Variants in TMEM40 observed in about 807,000 individuals in gnomAD.
The protein encoded by TMEM40 is transmembrane protein 40.
A neutral mutation model predicts 40.8 loss-of-function variants in TMEM40; 34 were observed. That is an observed-to-expected ratio of 0.83 (90% CI 0.63 to 1.11). TMEM40 has a LOEUF of 1.11. Among genes scored for constraint, TMEM40 ranks in the 50% least tolerant of loss-of-function variants. The pLI is 0.00. For synonymous variants in TMEM40, 106 were observed against 107.0 expected, an observed-to-expected ratio of 0.99 and a Z score of 0.06; for missense variants, 296 against 280.2, an observed-to-expected ratio of 1.06 and a Z score of -0.40.
intron 8 of TMEM40, chr3:12,737,465 A>G (rs1223208541): frequency 1.7e-6 from 1 of 583,618 alleles, no homozygotes; most frequent in Admixed American, 3.1e-5. Context: ...GCTCAAGCTC[A>G]GGCCACTCCA....
intron 1 of TMEM40, among the ~76,000 whole-genome samples, chr3:12,768,925 G>GGGGCGGGGC: frequency 9.8e-6 from 1 of 101,788 alleles, no homozygotes; most frequent in East Asian, 2.6e-4. Context: ...GGCCGGGGCC[G>GGGGCGGGGC]GGGCGGGGCG....
chr3:12,747,251 C>T (rs1447105110), intron 3 of TMEM40, among the ~76,000 whole-genome samples: 1 of 151,686 alleles, frequency 6.6e-6, no homozygotes, highest in Admixed American at 6.6e-5. Flanking sequence ...CTCAAGCCCA[C>T]CATAAAAGAG....
chr3:12,754,199 C>T (rs1311959949), intron 1 of TMEM40, among the ~76,000 whole-genome samples: 1 of 152,136 alleles, frequency 6.6e-6, no homozygotes, highest in Non-Finnish European at 1.5e-5. Flanking sequence ...GTAGTCCCAG[C>T]TACTCGGGAG....
rs76805747 is a variant in TMEM40 at position 12,756,990 on chromosome 3, C to A, written c.-9+2201G>T. Among the ~76,000 whole-genome samples the A allele has an allele frequency of 4.5e-4, 68 of 152,248 alleles. No homozygotes were observed. In the East Asian group the frequency reaches 0.012, roughly 27 times the overall value. On this transcript the variant is annotated intron_variant, in intron 1 of 11. Coordinates refer to ENST00000314124, the MANE Select transcript of TMEM40 (RefSeq NM_018306.4). The stretch of plus-strand genomic sequence containing the variant: ...TAGATCTTCAGTTCCCGCCTCTACC[C>A]CTCACTGACTCTGAGACCTGGAGCG...
Position 12,749,032 on chromosome 3 carries a change from C to CT in TMEM40, c.74-241dup, listed in dbSNP as rs55763700. Among the ~76,000 whole-genome samples, 1,399 of 149,472 alleles carry CT rather than the reference C, an allele frequency of 9.4e-3. 23 individuals carry two copies. Among genetic ancestry groups the CT allele is most frequent in the Admixed American group, 0.032 (474 of 14,996 alleles). Reference sequence around the variant, plus strand: ...ATGGACTCAGAAAAGGGGTTTCTTTCTTTTTTTTTTGAGACGGAGTCTTGC... The same window carrying CT: ...ATGGACTCAGAAAAGGGGTTTCTTTCTTTTTTTTTTTGAGACGGAGTCTTGC... On this transcript the variant is annotated intron_variant, in intron 2 of 11. Coordinates refer to ENST00000314124, the MANE Select transcript of TMEM40 (RefSeq NM_018306.4).
intron 3 of TMEM40, among the ~76,000 whole-genome samples, chr3:12,744,666 G>A (rs6799821): frequency 1.1e-4 from 17 of 152,184 alleles, no homozygotes; most frequent in African/African-American, 3.9e-4. Context: ...ACTTGAAAAT[G>A]GTTGTCATTT....
chr3:12,738,198 C>G (rs746187835), intron 6 of TMEM40, 30 bp from the exon 7 acceptor site: 1 of 1,613,134 alleles, frequency 6.2e-7, no homozygotes, highest in African/African-American at 1.3e-5. Flanking sequence ...CATTAGTGCC[C>G]AACCCCGCTT....
At chr3:12,734,877 C>A in intron 11 of TMEM40, 84 bp from the exon 12 acceptor site, 1 of 1,490,462 alleles carries the variant, frequency 6.7e-7, no homozygotes, top group Non-Finnish European at 9.1e-7. Context: ...TGCCCAAGTA[C>A]CCCTCACAGC....
At chr3:12,753,115 A>G (rs925054249) in intron 1 of TMEM40, among the ~76,000 whole-genome samples, 6 of 151,872 alleles carry the variant, frequency 4.0e-5, no homozygotes, top group Non-Finnish European at 8.8e-5. Flanking sequence ...TCACCGGGGG[A>G]AGACCCGATG....
chr3:12,739,524 T>G lies in TMEM40; in HGVS notation c.356-936A>C, dbSNP rs958117317. 5.3e-5 allele frequency among the ~76,000 whole-genome samples: 8 copies of G among 152,064 alleles called. No homozygotes were observed. The East Asian group carries it at 1.5e-3, about 29-fold the overall frequency. ...TGGTCTCGATCTCCTGACCTCGTGA[T>G]CCACCCACCTCAGCCTCCCAAAGTG... is the stretch of plus-strand genomic sequence containing the variant. On this transcript the variant is annotated intron_variant, in intron 5 of 11. Transcript: ENST00000314124.
At chr3:12,765,433 C>T (rs1050375823) in intron 1 of TMEM40, among the ~76,000 whole-genome samples, 2 of 151,980 alleles carry the variant, frequency 1.3e-5, no homozygotes, top group African/African-American at 4.8e-5. Flanking sequence ...CCAGGGGTGC[C>T]AGAGAACCCA....
chr3:12,760,976 G>A (rs927803110), upstream of TMEM40, among the ~76,000 whole-genome samples: 1 of 152,214 alleles, frequency 6.6e-6, no homozygotes, highest in Non-Finnish European at 1.5e-5. Context: ...AGCCTCAAGC[G>A]ATCCTCCGGC....
chr3:12,752,584 G>A (rs1368242680), intron 1 of TMEM40, among the ~76,000 whole-genome samples: 1 of 152,042 alleles, frequency 6.6e-6, no homozygotes, highest in Non-Finnish European at 1.5e-5. Flanking sequence ...GGATCACAAG[G>A]TCAGGAGATC....
At chr3:12,762,718 C>T (rs550704021), upstream of TMEM40, among the ~76,000 whole-genome samples, 7 of 152,294 alleles carry the variant, frequency 4.6e-5, no homozygotes, top group South Asian at 2.1e-4. Context: ...ATATAGTCCC[C>T]GGACCAGCTG....
At chr3:12,741,662 C>T (rs1308743628) in intron 5 of TMEM40, among the ~76,000 whole-genome samples, 1 of 151,504 alleles carries the variant, frequency 6.6e-6, no homozygotes, top group African/African-American at 2.4e-5. Flanking sequence ...TTAAAATACA[C>T]ATAAACATAA....
At chr3:12,767,298 G>A (rs186997742) in intron 1 of TMEM40, among the ~76,000 whole-genome samples, 116 of 152,078 alleles carry the variant, frequency 7.6e-4, no homozygotes, top group African/African-American at 2.7e-3. Context: ...TGGGTCAGAG[G>A]AATAAAAATT....
intron 4 of TMEM40, 32 bp downstream of exon 4, chr3:12,743,868 G>C: frequency 6.2e-7 from 1 of 1,601,728 alleles, no homozygotes; most frequent in South Asian, 1.1e-5. Context: ...GAGCGAGTGG[G>C]CAAAAGAAAA....
upstream of TMEM40, among the ~76,000 whole-genome samples, chr3:12,761,521 A>C (rs1340996897): frequency 6.6e-6 from 1 of 151,984 alleles, no homozygotes; most frequent in Non-Finnish European, 1.5e-5. Context: ...TGGGAGGATC[A>C]CTTGAGCCTG....
At chr3:12,748,036 G>T (rs1157962775) in intron 3 of TMEM40, among the ~76,000 whole-genome samples, 1 of 151,546 alleles carries the variant, frequency 6.6e-6, no homozygotes, top group African/African-American at 2.4e-5. Flanking sequence ...AAAAGCTTTC[G>T]CACAAGGATG....
Sources: allele counts gnomAD v4.1 joint callset (sites outside exome capture counted in the v4.1 genomes callset), GRCh38; gene constraint gnomAD v4.1.1; transcripts MANE v1.5; gene names NCBI Gene and HGNC (gene_info 2026-07-23, HGNC 2026-07-21).